CADM2: variants seen among roughly 807,000 people sequenced by gnomAD.
CADM2 encodes the protein cell adhesion molecule 2.
In CADM2, 12 loss-of-function variants were observed where a neutral mutation model predicts 49.8. That is an observed-to-expected ratio of 0.24 (90% CI 0.15 to 0.39). CADM2 has a LOEUF of 0.39. Ranked by LOEUF, CADM2 falls within the 10% of genes least tolerant of loss-of-function variation. The pLI is 1.00. For missense variants in CADM2, 378 were observed against 492.3 expected (o/e 0.77, Z 2.20); for synonymous variants, 214 against 175.4 (o/e 1.22, Z -1.74).
At chr3:84,986,111 C>T (rs985898092) in intron 1 of CADM2, among the ~76,000 whole-genome samples, 1 of 152,178 alleles carries the variant, frequency 6.6e-6, no homozygotes, top group Admixed American at 6.5e-5. Context: ...ATTAGGAAAA[C>T]ACCAGATTGA....
At chr3:85,002,868 C>T (rs530705868) in intron 1 of CADM2, among the ~76,000 whole-genome samples, 3 of 152,222 alleles carry the variant, frequency 2.0e-5, no homozygotes, top group Admixed American at 6.5e-5. Context: ...TCACTATAGC[C>T]TTGAACTCTT....
chr3:85,567,611 A>T (rs987699598), intron 1 of CADM2, among the ~76,000 whole-genome samples: 1 of 150,974 alleles, frequency 6.6e-6, no homozygotes, highest in Non-Finnish European at 1.5e-5. Context: ...ATGGTATATT[A>T]GAGCTCTCCA....
intron 5 of CADM2, among the ~76,000 whole-genome samples, chr3:85,894,151 A>G (rs369207866): frequency 9.2e-5 from 14 of 152,256 alleles, no homozygotes; most frequent in South Asian, 6.2e-4. Context: ...TATACACCAT[A>G]GAATACTATG....
intron 1 of CADM2, among the ~76,000 whole-genome samples, chr3:85,030,389 G>C (rs2034926795): frequency 6.6e-6 from 1 of 152,158 alleles, no homozygotes; most frequent in African/African-American, 2.4e-5. Context: ...TCATTTGTAA[G>C]ACACTGGTAA....
intron 1 of CADM2, among the ~76,000 whole-genome samples, chr3:85,603,459 G>C (rs1208186070): frequency 6.6e-6 from 1 of 151,804 alleles, no homozygotes. Context: ...ATTTCAAGAA[G>C]AAACTTATGT....
intron 2 of CADM2, among the ~76,000 whole-genome samples, chr3:85,758,511 T>C (rs907029797): frequency 7.2e-5 from 11 of 152,292 alleles, no homozygotes; most frequent in African/African-American, 2.6e-4. Flanking sequence ...AAAGATACTC[T>C]TAATTTTATG....
rs185971203 is a variant in CADM2 at position 85,099,629 on chromosome 3, C to T, written c.61+139961C>T. Among the ~76,000 whole-genome samples, 19 of 152,228 alleles carry T rather than the reference C, an allele frequency of 1.2e-4. No homozygotes were observed. The East Asian group carries it at 3.7e-3, about 30-fold the overall frequency. On this transcript the variant is annotated intron_variant, in intron 1 of 9. Coordinates refer to ENST00000383699, the MANE Select transcript of CADM2 (RefSeq NM_001167675.2). ...GGATTATATGCATGTGCCATTAACC[C>T]TGGCTAATTTTTGTATTTTTAGTGG...
At chr3:85,261,276 C>T (rs142479077) in intron 1 of CADM2, among the ~76,000 whole-genome samples, 3 of 152,226 alleles carry the variant, frequency 2.0e-5, no homozygotes, top group East Asian at 3.9e-4. Flanking sequence ...GCTGGGATTA[C>T]AGGCATCTGC....
chr3:85,143,453 G>A (rs767105076), intron 1 of CADM2, among the ~76,000 whole-genome samples: 4 of 152,140 alleles, frequency 2.6e-5, no homozygotes, highest in Non-Finnish European at 2.9e-5. Flanking sequence ...GCTCTCCAAC[G>A]TGGGCAACAG....
intron 1 of CADM2, among the ~76,000 whole-genome samples, chr3:85,128,212 G>A (rs2039102788): frequency 6.6e-6 from 1 of 152,122 alleles, no homozygotes; most frequent in South Asian, 2.1e-4. Context: ...CCAGATCTTT[G>A]GCATCAAGTA....
intron 2 of CADM2, among the ~76,000 whole-genome samples, chr3:85,727,742 G>A (rs1439908475): frequency 2.0e-5 from 3 of 152,110 alleles, no homozygotes; most frequent in Non-Finnish European, 4.4e-5. Context: ...AGGGAACCAG[G>A]GGGAGATGCA....
chr3:85,227,195 C>T (rs1343700247), intron 1 of CADM2, among the ~76,000 whole-genome samples: 4 of 152,064 alleles, frequency 2.6e-5, no homozygotes, highest in Non-Finnish European at 4.4e-5. Context: ...TTTTCTGTCT[C>T]GTTGATCTGT....
chr3:85,896,358 T>C (rs1232834023), intron 5 of CADM2, among the ~76,000 whole-genome samples: 2 of 152,204 alleles, frequency 1.3e-5, no homozygotes, highest in Admixed American at 6.5e-5. Context: ...TAGTAGGTTT[T>C]TGAAGTTAAG....
chr3:85,422,460 G>T (rs912338060), intron 1 of CADM2, among the ~76,000 whole-genome samples: 1 of 152,012 alleles, frequency 6.6e-6, no homozygotes, highest in African/African-American at 2.4e-5. Flanking sequence ...TGTATTTTTA[G>T]TAGAGACGGG....
At chr3:85,414,690 A>G (rs772971587) in intron 1 of CADM2, among the ~76,000 whole-genome samples, 35 of 152,276 alleles carry the variant, frequency 2.3e-4, no homozygotes, top group Admixed American at 1.3e-3. Context: ...GATTATTCTA[A>G]TAAGCACTTT....
intron 7 of CADM2, among the ~76,000 whole-genome samples, chr3:85,961,136 T>C (rs1303887861): frequency 1.3e-5 from 2 of 150,450 alleles, no homozygotes; most frequent in Non-Finnish European, 3.0e-5. Context: ...CCCAATAGCC[T>C]AAGGGTAGTC....
chr3:85,921,945 G>A (rs574492874), intron 6 of CADM2, among the ~76,000 whole-genome samples: 1 of 151,958 alleles, frequency 6.6e-6, no homozygotes, highest in South Asian at 2.1e-4. Context: ...TAATCTCTTC[G>A]GACTGGCATC....
intron 1 of CADM2, among the ~76,000 whole-genome samples, chr3:85,618,257 G>A (rs1038041175): frequency 1.3e-5 from 2 of 152,064 alleles, no homozygotes; most frequent in South Asian, 2.1e-4. Flanking sequence ...CTAATCAGAG[G>A]TACCTTTTTT....
Position 85,990,471 on chromosome 3 carries a change from G to T in CADM2, c.970+28824G>T, listed in dbSNP as rs369582345. Among the ~76,000 whole-genome samples, 20 of 152,234 alleles carry T rather than the reference G, an allele frequency of 1.3e-4. No homozygotes were observed. The East Asian group carries it at 3.7e-3, about 28-fold the overall frequency. On this transcript the variant is annotated intron_variant, in intron 8 of 9. Transcript: ENST00000383699. ...ACATAACGCCATCATAAATTTAGGC[G>T]CATCTGTATGTGATTGCTTATTGCA...
Sources: gnomAD v4.1 joint callset for allele counts (sites outside exome capture counted in the v4.1 genomes callset) on GRCh38, gnomAD v4.1.1 for gene constraint, MANE v1.5 for transcripts, NCBI Gene and HGNC (gene_info 2026-07-23, HGNC 2026-07-21) for gene names.